The following ALDH9A1 variants were observed in gnomAD, a reference collection of about 807,000 sequenced individuals.
ALDH9A1 encodes 4-trimethylaminobutyraldehyde dehydrogenase.
In ALDH9A1, 42 loss-of-function variants were observed where a neutral mutation model predicts 56.6. That is an observed-to-expected ratio of 0.74 (90% CI 0.58 to 0.96). The LOEUF is 0.96. Among genes scored for constraint, ALDH9A1 ranks in the 40% least tolerant of loss-of-function variants. The probability of loss-of-function intolerance (pLI) is 0.00; values close to 1 mark genes in which losing one functional copy is unlikely to be tolerated. For missense variants in ALDH9A1, 661 were observed against 651.5 expected (o/e 1.01, Z -0.16); for synonymous variants, 242 against 236.0 (o/e 1.03, Z -0.23).
At chr1:165,676,821 A>C (rs557107081) in intron 6 of ALDH9A1, 8 of 376,422 alleles carry the variant, frequency 2.1e-5, no homozygotes, top group South Asian at 2.0e-4. Flanking sequence ...TGGACTGCAA[A>C]ATTGTTTCTC....
In ALDH9A1 at chr1:165,684,854, GA is replaced by G. The variant is rs562614041; in HGVS notation, c.328-1745del. 1.5e-3 allele frequency among the ~76,000 whole-genome samples: 233 copies of G among 152,242 alleles called. 1 individual carries two copies. Among genetic ancestry groups the G allele is most frequent in the African/African-American group, 5.4e-3 (226 of 41,548 alleles). On this transcript the variant is annotated intron_variant, in intron 2 of 10. Coordinates refer to ENST00000354775, the MANE Select transcript of ALDH9A1 (RefSeq NM_000696.4). Reference sequence around the variant, plus strand: ...TAAGAGAATAGAAACTTTTACTCTGGAGATTTTTTTCTCTTTTAAAATAATG... The same window carrying G: ...TAAGAGAATAGAAACTTTTACTCTGGGATTTTTTTCTCTTTTAAAATAATG...
chr1:165,687,729 T>C (rs763720326), intron 2 of ALDH9A1, among the ~76,000 whole-genome samples: 2 of 152,152 alleles, frequency 1.3e-5, no homozygotes, highest in Non-Finnish European at 2.9e-5. Flanking sequence ...GGCTCACACC[T>C]GTAATCCCAG....
intron 10 of ALDH9A1, among the ~76,000 whole-genome samples, chr1:165,664,786 G>C (rs902653718): frequency 7.2e-5 from 11 of 152,210 alleles, no homozygotes; most frequent in Admixed American, 2.6e-4. Flanking sequence ...CAGTTCACAA[G>C]CCAGGCTATA....
intron 1 of ALDH9A1, 74 bp downstream of exon 1, chr1:165,698,304 G>C: frequency 6.5e-7 from 1 of 1,527,046 alleles, no homozygotes; most frequent in Non-Finnish European, 8.7e-7. Flanking sequence ...CAGAACACAG[G>C]AAACGGGGGC....
chr1:165,665,179 C>G lies in ALDH9A1; in HGVS notation c.1350-49G>C, dbSNP rs781632103. 8.8e-6 allele frequency: 13 copies of G among 1,475,950 alleles called. No homozygotes were observed. In the Admixed American group the frequency reaches 2.3e-4, roughly 26 times the overall value. The allele number at this position is 1,475,950 out of a possible 1,614,324, so 91.4% of individuals were successfully genotyped here. A position where few individuals can be genotyped will look rare whatever the true frequency, so the allele number is the denominator to read the frequency against. ...GCATTATTGAGAGTTTCTTAGGCTA[C>G]TACTTTAACAGGAAAAGTTACACTG... On this transcript the variant is annotated intron_variant, in intron 9 of 10. Transcript: ENST00000354775.
chr1:165,669,356 C>G lies in ALDH9A1; in HGVS notation c.1025G>C (p.Gly342Ala). The G allele has an allele frequency of 6.2e-7, 1 of 1,613,990 alleles. No homozygotes were observed. ...CCTTGTATCTTCCAGAAGGGGATCT[C>G]CAATTTTAATCCTTTGGGTCTGTTT... ...VVKQTQRIKI[G>A]DPLLEDTRMG... The change falls in exon 7 of 11, where the codon GGA (glycine) becomes GCA (alanine). Residue 342 changes from glycine (G) to alanine (A), a missense_variant. Physicochemically the swap from Gly to Ala is moderately conservative, Grantham distance 60. Coordinates refer to ENST00000354775, the MANE Select transcript of ALDH9A1 (RefSeq NM_000696.4).
Position 165,678,952 on chromosome 1 carries a change from C to T in ALDH9A1, c.930+490G>A, listed in dbSNP as rs141715461. 6.2e-3 allele frequency among the ~76,000 whole-genome samples: 951 copies of T among 152,236 alleles called. 26 individuals are homozygous for T. The South Asian group carries it at 0.072, about 12-fold the overall frequency. On this transcript the variant is annotated intron_variant, in intron 6 of 10. Transcript: ENST00000354775. Reference sequence around the variant, plus strand: ...AGACAACTAAAGGCAATGCATCATCCTTGACTGGATCCTAGACCGGAAAAA... The same window carrying T: ...AGACAACTAAAGGCAATGCATCATCTTTGACTGGATCCTAGACCGGAAAAA...
intron 2 of ALDH9A1, among the ~76,000 whole-genome samples, chr1:165,690,697 A>C (rs1422997516): frequency 2.6e-5 from 4 of 152,198 alleles, no homozygotes; most frequent in Admixed American, 6.5e-5. Flanking sequence ...CAAACGGCAC[A>C]CCAGGAGATT....
At chr1:165,664,870 C>T (rs1221880844) in intron 10 of ALDH9A1, 148 bp downstream of exon 10, 3 of 628,098 alleles carry the variant, frequency 4.8e-6, no homozygotes, top group Non-Finnish European at 8.5e-6. Context: ...CCAGAGACTG[C>T]TACAGTGGAT....
intron 1 of ALDH9A1, 189 bp downstream of exon 1, chr1:165,698,189 C>A (rs556314126): frequency 7.4e-7 from 1 of 1,356,170 alleles, no homozygotes. Context: ...TTCCTCCCTA[C>A]CCATCCCTGC....
rs1232461686 is a variant in ALDH9A1 at position 165,682,237 on chromosome 1, T to C, written c.462A>G (p.Glu154=). ...ACGATCCACCTGGGAGCTGGATGTG[T>C]TCACCTATGGGGAAAACAGGAGTAA... ...YAGLAASMAG[E]HIQLPGGSFG... The change falls in exon 4 of 11, where the codon GAA becomes GAG. Residue 154 remains glutamate, a synonymous_variant. Coordinates refer to ENST00000354775, the MANE Select transcript of ALDH9A1 (RefSeq NM_000696.4). 1 of 1,613,210 alleles carries C rather than the reference T, an allele frequency of 6.2e-7. No homozygotes were observed.
At chr1:165,663,245 A>C (rs924054841) in intron 10 of ALDH9A1, 101 bp from the exon 11 acceptor site, 2 of 933,828 alleles carry the variant, frequency 2.1e-6, no homozygotes, top group Non-Finnish European at 3.4e-6. Context: ...GCTAGGGAAG[A>C]ATATAGAACC....
chr1:165,688,219 A>T (rs924836967), intron 2 of ALDH9A1, among the ~76,000 whole-genome samples: 2 of 152,142 alleles, frequency 1.3e-5, no homozygotes, highest in African/African-American at 4.8e-5. Context: ...CAGGACGCTG[A>T]GGTGGGAGGA....
intron 8 of ALDH9A1, among the ~76,000 whole-genome samples, chr1:165,668,200 G>C (rs1649063843): frequency 6.6e-6 from 1 of 152,142 alleles, no homozygotes; most frequent in African/African-American, 2.4e-5. Flanking sequence ...ATATGGTCTG[G>C]ATGCCTTTCT....
At chr1:165,685,281 C>G (rs1359400821) in intron 2 of ALDH9A1, among the ~76,000 whole-genome samples, 1 of 152,190 alleles carries the variant, frequency 6.6e-6, no homozygotes, top group Non-Finnish European at 1.5e-5. Context: ...TCACTTCTCC[C>G]TTTCACTTCG....
At chr1:165,673,868 G>A (rs1320395831) in intron 6 of ALDH9A1, among the ~76,000 whole-genome samples, 1 of 152,076 alleles carries the variant, frequency 6.6e-6, no homozygotes, top group Admixed American at 6.5e-5. Flanking sequence ...TAGGGGCTGG[G>A]TAAAATAAGG....
intron 2 of ALDH9A1, among the ~76,000 whole-genome samples, chr1:165,693,911 T>C (rs1317204655): frequency 6.6e-6 from 1 of 152,138 alleles, no homozygotes; most frequent in Non-Finnish European, 1.5e-5. Flanking sequence ...TCATGTCCTT[T>C]GCAGGGACAT....
At chr1:165,679,371 A>C in intron 6 of ALDH9A1, 71 bp downstream of exon 6, 1 of 1,533,482 alleles carries the variant, frequency 6.5e-7, no homozygotes, top group Non-Finnish European at 8.9e-7. Flanking sequence ...TAAAACAAAA[A>C]GCTTTAAAAC....
chr1:165,693,922 G>A (rs1160918683), intron 2 of ALDH9A1, among the ~76,000 whole-genome samples: 1 of 152,078 alleles, frequency 6.6e-6, no homozygotes, highest in African/African-American at 2.4e-5. Flanking sequence ...GCAGGGACAT[G>A]GATGAAGCTG....
Sources: allele counts gnomAD v4.1 joint callset (sites outside exome capture counted in the v4.1 genomes callset), GRCh38; gene constraint gnomAD v4.1.1; transcripts MANE v1.5; gene names NCBI Gene and HGNC (gene_info 2026-07-23, HGNC 2026-07-21).